The following HDHD2 variants were observed in gnomAD, a reference collection of about 807,000 sequenced individuals.
HDHD2 encodes the protein haloacid dehalogenase like hydrolase domain containing 2, also known as haloacid dehalogenase-like hydrolase domain-containing protein 2.
Under a neutral mutation model 24.8 loss-of-function variants are expected in HDHD2, and 26 were observed. The observed-to-expected ratio is 1.05, with a 90% CI of 0.77 to 1.45. The LOEUF is 1.45. Among genes scored for constraint, HDHD2 ranks in the 40% most tolerant of loss-of-function variants. The pLI, the probability that HDHD2 is intolerant of heterozygous loss-of-function variation, is 0.00. For synonymous variants in HDHD2, 128 were observed against 114.9 expected (o/e 1.11, Z -0.73); for missense variants, 299 against 313.4 (o/e 0.95, Z 0.35).
At chr18:47,145,348 G>A (rs1755942225) in intron 1 of HDHD2, among the ~76,000 whole-genome samples, 1 of 152,174 alleles carries the variant, frequency 6.6e-6, no homozygotes, top group African/African-American at 2.4e-5. Flanking sequence ...GAAAGTAGGC[G>A]TTGCTTTACC....
chr18:47,142,665 A>G (rs2063830664), intron 1 of HDHD2, among the ~76,000 whole-genome samples: 1 of 152,216 alleles, frequency 6.6e-6, no homozygotes, highest in Admixed American at 6.5e-5. Context: ...TGATTATATA[A>G]GAATAAGAGA....
chr18:47,144,280 GC>G (rs569190694), intron 1 of HDHD2, among the ~76,000 whole-genome samples: 4 of 152,090 alleles, frequency 2.6e-5, no homozygotes, highest in Admixed American at 2.6e-4. Context: ...TAAACTCAGA[GC>G]CCATCTGAAG....
At chr18:47,116,074 T>C (rs562703444) in intron 4 of HDHD2, among the ~76,000 whole-genome samples, 21 of 152,080 alleles carry the variant, frequency 1.4e-4, no homozygotes, top group Non-Finnish European at 2.6e-4. Context: ...ATTCTACCTA[T>C]AGCTAAGAAT....
chr18:47,132,594 T>A (rs2063723679), intron 3 of HDHD2, among the ~76,000 whole-genome samples: 1 of 152,212 alleles, frequency 6.6e-6, no homozygotes, highest in Non-Finnish European at 1.5e-5. Context: ...CAAAGTTGGT[T>A]TCTGTTTCTT....
At chr18:47,109,882 G>T in intron 6 of HDHD2, 1 of 642,078 alleles carries the variant, frequency 1.6e-6, no homozygotes, top group Non-Finnish European at 1.9e-6. Flanking sequence ...TCTGTTACAT[G>T]TCCCAATGTA....
At chr18:47,145,591 C>T (rs2063861501) in intron 1 of HDHD2, among the ~76,000 whole-genome samples, 1 of 152,112 alleles carries the variant, frequency 6.6e-6, no homozygotes, top group Non-Finnish European at 1.5e-5. Flanking sequence ...TGAAATTGGA[C>T]TCCCACATCA....
chr18:47,131,545 C>A (rs1023134124), intron 3 of HDHD2, among the ~76,000 whole-genome samples: 5 of 152,132 alleles, frequency 3.3e-5, no homozygotes, highest in African/African-American at 1.2e-4. Flanking sequence ...ACTGGGTTGT[C>A]ATTACTTTAG....
At chr18:47,117,366 G>A (rs757025837) in intron 4 of HDHD2, among the ~76,000 whole-genome samples, 22 of 152,104 alleles carry the variant, frequency 1.4e-4, no homozygotes, top group Non-Finnish European at 2.1e-4. Flanking sequence ...GAGCTCCACC[G>A]TTAATGAAGA....
chr18:47,139,946 A>C lies in HDHD2; in HGVS notation c.-10-3497T>G, dbSNP rs190137406. The stretch of plus-strand genomic sequence containing the variant: ...CATGTATCTACCTCATCCCCAACTT[A>C]AGAACAGAACTAATGGCAATATTGC... On this transcript the variant is annotated intron_variant, in intron 1 of 6. Coordinates refer to ENST00000300605, the MANE Select transcript of HDHD2 (RefSeq NM_032124.5). Among the ~76,000 whole-genome samples the C allele has an allele frequency of 3.6e-3, 542 of 152,276 alleles. 1 individual carries two copies. Among genetic ancestry groups the C allele is most frequent in the Middle Eastern group, 6.9e-3 (2 of 290 alleles).
intron 4 of HDHD2, among the ~76,000 whole-genome samples, chr18:47,127,460 T>C (rs930339999): frequency 3.2e-4 from 49 of 152,164 alleles, no homozygotes; most frequent in African/African-American, 9.7e-4. Context: ...GTTTATTCTT[T>C]CTTGAGCATT....
At chr18:47,111,254 C>G (rs944605672) in intron 6 of HDHD2, 1 of 984,814 alleles carries the variant, frequency 1.0e-6, no homozygotes, top group African/African-American at 1.8e-5. Context: ...CAATAAAATG[C>G]CAGTCACAAT....
At chr18:47,136,662 A>C (rs1472693174) in intron 1 of HDHD2, among the ~76,000 whole-genome samples, 2 of 152,074 alleles carry the variant, frequency 1.3e-5, no homozygotes, top group Non-Finnish European at 2.9e-5. Context: ...AAAAAAAAAA[A>C]ACACTTGAAT....
intron 5 of HDHD2, among the ~76,000 whole-genome samples, chr18:47,114,670 T>G (rs933839400): frequency 6.6e-6 from 1 of 152,192 alleles, no homozygotes; most frequent in East Asian, 1.9e-4. Flanking sequence ...TAGCTTTAGC[T>G]ATTTGTGGCA....
intron 6 of HDHD2, chr18:47,111,379 A>AAAG (rs1555648439): frequency 1.1e-5 from 11 of 974,100 alleles, no homozygotes; most frequent in Admixed American, 6.2e-5. Context: ...AAAAAAAAAA[A>AAAG]AAAGAAAGAA....
At chr18:47,139,582 T>C (rs1160291184) in intron 1 of HDHD2, among the ~76,000 whole-genome samples, 3 of 151,338 alleles carry the variant, frequency 2.0e-5, no homozygotes, top group Non-Finnish European at 4.4e-5. Flanking sequence ...AAGTGGGACA[T>C]GTGAAAACCT....
chr18:47,110,847 T>A, intron 6 of HDHD2: 1 of 985,220 alleles, frequency 1.0e-6, no homozygotes, highest in Non-Finnish European at 1.2e-6. Flanking sequence ...AAACAAATTC[T>A]GGTTAGGACT....
At chr18:47,111,806 G>T (rs1237287848) in intron 6 of HDHD2, 1 of 985,096 alleles carries the variant, frequency 1.0e-6, no homozygotes, top group Non-Finnish European at 1.2e-6. Context: ...ATTCAAAACA[G>T]ATTTCAAGCA....
At chr18:47,133,488 T>G (rs2063733513) in intron 3 of HDHD2, among the ~76,000 whole-genome samples, 1 of 54,848 alleles carries the variant, frequency 1.8e-5, no homozygotes, top group African/African-American at 6.3e-5. Flanking sequence ...CAGCATGATT[T>G]ATAGTCCTTT....
intron 4 of HDHD2, among the ~76,000 whole-genome samples, chr18:47,128,753 G>A (rs1221833297): frequency 6.6e-6 from 1 of 152,192 alleles, no homozygotes; most frequent in Non-Finnish European, 1.5e-5. Flanking sequence ...TAAAATTAAT[G>A]TGCACACACG....
Sources: allele counts gnomAD v4.1 joint callset (sites outside exome capture counted in the v4.1 genomes callset), GRCh38; gene constraint gnomAD v4.1.1; transcripts MANE v1.5; gene names NCBI Gene and HGNC (gene_info 2026-07-23, HGNC 2026-07-21).